SH3D19: variants seen among roughly 807,000 people sequenced by gnomAD.
The protein encoded by SH3D19 is SH3 domain-containing protein 19.
A neutral mutation model predicts 112.1 loss-of-function variants in SH3D19; 58 were observed. That is an observed-to-expected ratio of 0.52 (90% CI 0.42 to 0.64). The LOEUF (loss-of-function observed/expected upper bound fraction) is 0.64, where lower values mean the gene tolerates loss of function less well. Ranked by LOEUF, SH3D19 falls within the 30% of genes least tolerant of loss-of-function variation. The probability of loss-of-function intolerance (pLI) is 0.00; values close to 1 mark genes in which losing one functional copy is unlikely to be tolerated. For missense variants in SH3D19, 1,090 were observed against 1,263.4 expected, an observed-to-expected ratio of 0.86 and a Z score of 2.08; for synonymous variants, 391 against 448.5, an observed-to-expected ratio of 0.87 and a Z score of 1.62.
intron 1 of SH3D19, among the ~76,000 whole-genome samples, chr4:151,272,473 T>C (rs943730840): frequency 1.3e-5 from 2 of 152,202 alleles, no homozygotes; most frequent in African/African-American, 4.8e-5. Flanking sequence ...GATATTTTCT[T>C]ACAAAGCTAA....
intron 1 of SH3D19, among the ~76,000 whole-genome samples, chr4:151,317,303 G>A (rs771641660): frequency 5.3e-5 from 8 of 152,176 alleles, no homozygotes; most frequent in Non-Finnish European, 1.2e-4. Flanking sequence ...TGTAAAGTTG[G>A]AAGCCTCATC....
chr4:151,251,671 C>G (rs1455027704), intron 1 of SH3D19, among the ~76,000 whole-genome samples: 1 of 152,130 alleles, frequency 6.6e-6, no homozygotes, highest in Non-Finnish European at 1.5e-5. Context: ...TAATCACTCC[C>G]CTGTCCACCC....
intron 1 of SH3D19, among the ~76,000 whole-genome samples, chr4:151,252,423 C>T (rs561604084): frequency 6.6e-6 from 1 of 152,132 alleles, no homozygotes; most frequent in African/African-American, 2.4e-5. Context: ...CTCCTTGATA[C>T]ACTTTCTCTT....
Position 151,159,225 on chromosome 4 carries a change from A to G in SH3D19, c.1755+15T>C, listed in dbSNP as rs759552598. ...CTACGTCTTCAATCTAGTACAATCT[A>G]TAATGACCACTTACCAAGTTTCTAG... is the stretch of plus-strand genomic sequence containing the variant. On this transcript the variant is annotated intron_variant, in intron 9 of 19. Coordinates refer to ENST00000604030, the MANE Select transcript of SH3D19 (RefSeq NM_001378122.1). 2.1e-6 allele frequency: 3 copies of G among 1,412,598 alleles called. No homozygotes were observed. The highest frequency in any genetic ancestry group is 2.8e-5 in the South Asian group (2 of 72,294). The allele number at this position is 1,412,598 out of a possible 1,614,324, so 87.5% of individuals were successfully genotyped here.
At chr4:151,255,373 C>T (rs1243702535) in intron 1 of SH3D19, among the ~76,000 whole-genome samples, 3 of 150,974 alleles carry the variant, frequency 2.0e-5, no homozygotes, top group African/African-American at 7.3e-5. Flanking sequence ...CAGAGGTGCT[C>T]CTCACATCCC....
At chr4:151,314,147 C>G (rs1211812657) in intron 1 of SH3D19, among the ~76,000 whole-genome samples, 1 of 152,194 alleles carries the variant, frequency 6.6e-6, no homozygotes, top group Non-Finnish European at 1.5e-5. Flanking sequence ...CATGCAGCAG[C>G]CCTGGCATGC....
intron 1 of SH3D19, among the ~76,000 whole-genome samples, chr4:151,286,184 G>GAAAAAA (rs56850648): frequency 5.7e-4 from 49 of 86,560 alleles, no homozygotes; most frequent in East Asian, 1.8e-3. Context: ...CTGTCTTAAA[G>GAAAAAA]AAAAAAAAAA....
intron 1 of SH3D19, among the ~76,000 whole-genome samples, chr4:151,294,037 A>G (rs148072049): frequency 0.011 from 1,720 of 152,304 alleles, 30 homozygotes; most frequent in African/African-American, 0.039. Flanking sequence ...TCATAGCACT[A>G]TGAAGCCCTC....
intron 2 of SH3D19, among the ~76,000 whole-genome samples, chr4:151,203,049 A>G (rs1764615889): frequency 6.6e-6 from 1 of 152,152 alleles, no homozygotes; most frequent in Non-Finnish European, 1.5e-5. Context: ...GAGGAAAGAG[A>G]AATGTGACTG....
intron 17 of SH3D19, among the ~76,000 whole-genome samples, chr4:151,129,344 G>A (rs1041534603): frequency 3.3e-5 from 5 of 152,106 alleles, no homozygotes; most frequent in Non-Finnish European, 5.9e-5. Flanking sequence ...TGTTCAAGAG[G>A]CTCAAGAAGG....
chr4:151,137,820 T>C lies in SH3D19; in HGVS notation c.2339A>G (p.Tyr780Cys), dbSNP rs1752167793. Residue 780 changes from tyrosine (Y) to cysteine (C), a missense_variant, in exon 14 of 20, where the codon TAT becomes TGT. Physicochemically the swap from Tyr to Cys is radical, Grantham distance 194 (BLOSUM62 -2). Transcript: ENST00000604030. Reference sequence around the variant, plus strand: ...ATCTGTATCTATCTTCTCCAGAAGATAAACAATTTCTCCAGAAGTGAGGTT... The same window carrying C: ...ATCTGTATCTATCTTCTCCAGAAGACAAACAATTTCTCCAGAAGTGAGGTT... Reference protein sequence around the residue: ...DLNLTSGEIVYLLEKIDTDWY... With the variant: ...DLNLTSGEIVCLLEKIDTDWY... The C allele has an allele frequency of 6.2e-7, 1 of 1,610,790 alleles. No individual in the cohort carries two copies. Among genetic ancestry groups the C allele is most frequent in the Non-Finnish European group, 8.5e-7 (1 of 1,178,814 alleles).
rs1360275919 is a variant in SH3D19, at chr4:151,224,321, A to G, written c.152+1726T>C. Among the ~76,000 whole-genome samples, 4 of 152,210 alleles carry G rather than the reference A, an allele frequency of 2.6e-5. No individual in the cohort carries two copies. In the East Asian group the frequency reaches 7.7e-4, roughly 29 times the overall value. ...GAGACTCCATCTCAAAGAAAAAAAA[A>G]AAGTATGATCTAGAGCTACCACTTT... On this transcript the variant is annotated intron_variant, in intron 2 of 19. Coordinates refer to ENST00000604030, the MANE Select transcript of SH3D19 (RefSeq NM_001378122.1).
At chr4:151,279,165 C>T (rs1314509519) in intron 1 of SH3D19, 15 of 403,150 alleles carry the variant, frequency 3.7e-5, no homozygotes, top group Admixed American at 2.4e-4. Context: ...ATCTACAACA[C>T]GTCTTGAGTA....
intron 1 of SH3D19, among the ~76,000 whole-genome samples, chr4:151,280,790 T>C (rs145152765): frequency 1.3e-3 from 193 of 147,356 alleles, no homozygotes; most frequent in African/African-American, 4.6e-3. Context: ...ACCCTGTCTC[T>C]AAAAAAAAAA....
intron 1 of SH3D19, among the ~76,000 whole-genome samples, chr4:151,301,064 T>C (rs1299664283): frequency 4.6e-5 from 7 of 152,128 alleles, no homozygotes; most frequent in African/African-American, 1.7e-4. Context: ...AGTGATACGG[T>C]TTGGATCTGT....
intron 1 of SH3D19, among the ~76,000 whole-genome samples, chr4:151,226,790 T>C (rs1769078571): frequency 6.6e-6 from 1 of 152,184 alleles, no homozygotes; most frequent in African/African-American, 2.4e-5. Flanking sequence ...CGAGAAACCC[T>C]GCTATAGGGT....
intron 1 of SH3D19, among the ~76,000 whole-genome samples, chr4:151,268,958 T>G (rs1396072317): frequency 6.6e-6 from 1 of 152,200 alleles, no homozygotes; most frequent in African/African-American, 2.4e-5. Flanking sequence ...ATATACCCAG[T>G]AATGGGATGG....
rs1246752167 is a variant in SH3D19 at position 151,186,857 on chromosome 4, C to G, written c.193+566G>C. Among the ~76,000 whole-genome samples the G allele has an allele frequency of 1.9e-4, 28 of 146,624 alleles. No individual in the cohort carries two copies. In the Admixed American group the frequency reaches 1.9e-3, roughly 10 times the overall value. On this transcript the variant is annotated intron_variant, in intron 3 of 19. Transcript: ENST00000604030. ...TCGCCCAGGCTGGAGTGCAGTGGCG[C>G]GATCTCGGCTCACTGCAACCTCTGC...
intron 1 of SH3D19, among the ~76,000 whole-genome samples, chr4:151,320,742 CAAACA>C (rs551650903): frequency 1.3e-3 from 197 of 151,942 alleles, no homozygotes; most frequent in African/African-American, 4.6e-3. Context: ...TGAAAACAAA[CAAACA>C]AAAAAAACAG....
Sources: gnomAD v4.1 joint callset for allele counts (sites outside exome capture counted in the v4.1 genomes callset) on GRCh38, gnomAD v4.1.1 for gene constraint, MANE v1.5 for transcripts, NCBI Gene and HGNC (gene_info 2026-07-23, HGNC 2026-07-21) for gene names.